The following KIAA1328 variants were observed in gnomAD, a reference collection of about 807,000 sequenced individuals.
KIAA1328 encodes KIAA1328.
KIAA1328 carries 52 observed loss-of-function variants against 68.1 expected under a neutral mutation model. That is an observed-to-expected ratio of 0.76 (90% CI 0.61 to 0.96). The LOEUF (loss-of-function observed/expected upper bound fraction) is 0.96, where lower values mean the gene tolerates loss of function less well. KIAA1328 is among the 40% of genes least tolerant of loss of function. The pLI is 0.00. For missense variants in KIAA1328, 641 were observed against 677.6 expected (o/e 0.95, Z 0.60); for synonymous variants, 232 against 239.4 (o/e 0.97, Z 0.28).
intron 5 of KIAA1328, among the ~76,000 whole-genome samples, chr18:36,911,697 C>T (rs1039650936): frequency 2.6e-5 from 4 of 152,122 alleles, no homozygotes; most frequent in African/African-American, 9.7e-5. Context: ...AGATTCAACG[C>T]AAGTATATAT....
At chr18:37,213,838 A>G (rs1212864357) in intron 9 of KIAA1328, among the ~76,000 whole-genome samples, 1 of 152,178 alleles carries the variant, frequency 6.6e-6, no homozygotes, top group African/African-American at 2.4e-5. Context: ...AATGATCACC[A>G]TTCTAAGTGG....
chr18:36,972,207 T>A (rs750178316), intron 6 of KIAA1328, among the ~76,000 whole-genome samples: 15 of 152,180 alleles, frequency 9.9e-5, no homozygotes, highest in Non-Finnish European at 1.8e-4. Flanking sequence ...GATGGGACAA[T>A]TGAACACATG....
intron 6 of KIAA1328, among the ~76,000 whole-genome samples, chr18:36,993,540 T>C (rs551683617): frequency 4.6e-5 from 7 of 152,284 alleles, no homozygotes; most frequent in Admixed American, 3.3e-4. Flanking sequence ...TCAAGAAATA[T>C]AGTGTAATGT....
In KIAA1328 at chr18:37,225,234, A is replaced by G. The variant is rs997659878; in HGVS notation, c.*3007A>G. ...GGCTGTGGCGGACTCCTTCCAACTC[A>G]CGATTTATCCTCAGCTCAGAGTGTA... On this transcript the variant is annotated 3_prime_UTR_variant, in exon 10 of 10. Transcript: ENST00000280020. 4.1e-6 allele frequency: 4 copies of G among 985,342 alleles called. No individual in the cohort carries two copies. The highest frequency in any genetic ancestry group is 4.8e-6 in the Non-Finnish European group (4 of 829,946). The allele number at this position is 985,342 out of a possible 1,614,324, so 61.0% of individuals were successfully genotyped here.
At chr18:37,039,524 T>C (rs918526324) in intron 6 of KIAA1328, among the ~76,000 whole-genome samples, 3 of 152,086 alleles carry the variant, frequency 2.0e-5, no homozygotes, top group Non-Finnish European at 2.9e-5. Flanking sequence ...GCAATTCTCC[T>C]GCCTTAGCCT....
chr18:36,960,114 G>A (rs1173089319), intron 6 of KIAA1328, among the ~76,000 whole-genome samples: 1 of 152,154 alleles, frequency 6.6e-6, no homozygotes, highest in East Asian at 1.9e-4. Context: ...CAAATACTGG[G>A]CTTTTCCCAC....
At chr18:37,061,862 A>G (rs1052935630) in intron 6 of KIAA1328, among the ~76,000 whole-genome samples, 8 of 152,128 alleles carry the variant, frequency 5.3e-5, no homozygotes, top group Non-Finnish European at 8.8e-5. Flanking sequence ...ATAGCAGACC[A>G]TATGCTGTTG....
intron 4 of KIAA1328, among the ~76,000 whole-genome samples, chr18:36,846,057 A>G (rs960187017): frequency 4.6e-5 from 7 of 151,576 alleles, no homozygotes; most frequent in Non-Finnish European, 1.5e-5. Context: ...ATTTCTTAAA[A>G]TTTGCTGAGT....
intron 6 of KIAA1328, among the ~76,000 whole-genome samples, chr18:36,980,930 C>T (rs1032535946): frequency 4.6e-5 from 7 of 152,182 alleles, no homozygotes; most frequent in African/African-American, 1.4e-4. Context: ...CTAAGTGGAA[C>T]TGTGAGTCCA....
chr18:36,912,381 C>T (rs2053352321), intron 5 of KIAA1328, among the ~76,000 whole-genome samples: 1 of 152,172 alleles, frequency 6.6e-6, no homozygotes, highest in African/African-American at 2.4e-5. Context: ...ATCACTTCAA[C>T]ATCTAACATC....
In KIAA1328 at chr18:37,224,320, T is replaced by G. The variant is rs2154227123; in HGVS notation, c.*2093T>G. ...GAAGAATCGTAAACAGAGTCTAAAC[T>G]AAAGGCTTTTTGGGGGTCACAGCCA... is the stretch of plus-strand genomic sequence containing the variant. On this transcript the variant is annotated 3_prime_UTR_variant, in exon 10 of 10. Coordinates refer to ENST00000280020, the MANE Select transcript of KIAA1328 (RefSeq NM_020776.3). The G allele has an allele frequency of 1.0e-6, 1 of 985,414 alleles. No individual in the cohort carries two copies. The highest frequency in any genetic ancestry group is 1.1e-4 in the East Asian group (1 of 8,810). The allele number at this position is 985,414 out of a possible 1,614,324, so 61.0% of individuals were successfully genotyped here.
intron 7 of KIAA1328, among the ~76,000 whole-genome samples, chr18:37,099,362 A>G (rs1382064971): frequency 6.6e-6 from 1 of 152,172 alleles, no homozygotes; most frequent in African/African-American, 2.4e-5. Context: ...CAGGTTGTTC[A>G]GTTTCCATGT....
chr18:37,032,638 A>G (rs2054876089), intron 6 of KIAA1328, among the ~76,000 whole-genome samples: 1 of 149,962 alleles, frequency 6.7e-6, no homozygotes, highest in Admixed American at 6.7e-5. Flanking sequence ...TCTGGCTTTC[A>G]TGATTTGTTT....
chr18:37,029,683 TTC>T (rs1417426670), intron 6 of KIAA1328, among the ~76,000 whole-genome samples: 2 of 152,130 alleles, frequency 1.3e-5, no homozygotes, highest in Middle Eastern at 3.2e-3. Flanking sequence ...TAATCTGTAG[TTC>T]TGTTTTCTTT....
At chr18:37,058,756 A>G (rs2056028089) in intron 6 of KIAA1328, among the ~76,000 whole-genome samples, 1 of 152,064 alleles carries the variant, frequency 6.6e-6, no homozygotes, top group Non-Finnish European at 1.5e-5. Flanking sequence ...AAACAAGTAA[A>G]ACTGAACTCT....
chr18:37,187,345 T>C (rs182106923), intron 9 of KIAA1328, among the ~76,000 whole-genome samples: 26 of 152,184 alleles, frequency 1.7e-4, no homozygotes, highest in Admixed American at 9.2e-4. Context: ...GGGATTTGTA[T>C]TAGAATAGGG....
intron 9 of KIAA1328, among the ~76,000 whole-genome samples, chr18:37,207,491 T>C (rs1354270361): frequency 2.0e-5 from 3 of 152,222 alleles, no homozygotes; most frequent in African/African-American, 7.2e-5. Context: ...TGTATATGTT[T>C]TAGGTCAAAG....
At chr18:37,160,104 A>C in intron 7 of KIAA1328, 96 bp from the exon 8 acceptor site, 1 of 883,852 alleles carries the variant, frequency 1.1e-6, no homozygotes, top group Non-Finnish European at 1.7e-6. Context: ...GAGAGTTCTT[A>C]ATGAATTGCA....
intron 7 of KIAA1328, among the ~76,000 whole-genome samples, chr18:37,112,748 C>T (rs2057972331): frequency 6.6e-6 from 1 of 152,064 alleles, no homozygotes; most frequent in East Asian, 1.9e-4. Flanking sequence ...CGCAAAGAAG[C>T]TGAATACCTT....
Sources: gnomAD v4.1 joint callset for allele counts (sites outside exome capture counted in the v4.1 genomes callset) on GRCh38, gnomAD v4.1.1 for gene constraint, MANE v1.5 for transcripts, NCBI Gene and HGNC (gene_info 2026-07-23, HGNC 2026-07-21) for gene names.